Variants in SPATA13 observed in about 807,000 individuals in gnomAD.
SPATA13 encodes the protein spermatogenesis associated 13.
A neutral mutation model predicts 104.0 loss-of-function variants in SPATA13; 50 were observed. That is an observed-to-expected ratio of 0.48 (90% CI 0.38 to 0.61). The LOEUF is 0.61. Among genes scored for constraint, SPATA13 ranks in the 20% least tolerant of loss-of-function variants. The probability of loss-of-function intolerance (pLI) is 0.00; values close to 1 mark genes in which losing one functional copy is unlikely to be tolerated. For missense variants in SPATA13, 1,524 were observed against 1,690.6 expected (o/e 0.90, Z 1.73); for synonymous variants, 606 against 667.5 (o/e 0.91, Z 1.42).
upstream of SPATA13, among the ~76,000 whole-genome samples, chr13:24,155,735 A>G (rs1882240125): frequency 6.6e-6 from 1 of 152,236 alleles, no homozygotes; most frequent in African/African-American, 2.4e-5. Context: ...GCAATTCAGT[A>G]CATTAAGTAC....
intron 1 of SPATA13, among the ~76,000 whole-genome samples, chr13:24,213,355 C>T (rs1871124797): frequency 6.6e-6 from 1 of 152,198 alleles, no homozygotes; most frequent in African/African-American, 2.4e-5. Context: ...TAACCTCCAC[C>T]TCCTGGGTTC....
At chr13:24,017,830 C>T in intron 3 of SPATA13, 3 of 359,060 alleles carry the variant, frequency 8.4e-6, no homozygotes, top group Non-Finnish European at 1.2e-5. Context: ...CTGTAACATA[C>T]TGTTAAAATC....
upstream of SPATA13, among the ~76,000 whole-genome samples, chr13:24,160,078 G>A (rs1291197909): frequency 6.6e-6 from 1 of 152,162 alleles, no homozygotes; most frequent in African/African-American, 2.4e-5. Flanking sequence ...CTTGCCCCAG[G>A]CCCTGGGAAA....
intron 3 of SPATA13, among the ~76,000 whole-genome samples, chr13:24,043,964 C>T (rs1313004322): frequency 3.9e-5 from 6 of 152,152 alleles, no homozygotes; most frequent in Non-Finnish European, 7.3e-5. Flanking sequence ...TTTGATGGTG[C>T]TGCTTGGAGG....
intron 2 of SPATA13, among the ~76,000 whole-genome samples, chr13:24,231,365 T>C (rs1377373136): frequency 1.3e-5 from 2 of 152,234 alleles, no homozygotes; most frequent in Admixed American, 1.3e-4. Flanking sequence ...CGTGGTCTTT[T>C]GTGACTGGCT....
At chr13:24,033,628 G>A (rs1194823980) in intron 3 of SPATA13, 2 of 152,362 alleles carry the variant, frequency 1.3e-5, no homozygotes, top group African/African-American at 4.8e-5. Flanking sequence ...CCTGCAGTGG[G>A]GACCTGGTGT....
chr13:24,278,830 A>G (rs1165939029), intron 4 of SPATA13: 3 of 1,591,466 alleles, frequency 1.9e-6, no homozygotes, highest in African/African-American at 2.7e-5. Flanking sequence ...AGGCAAGTTC[A>G]TCTGACCCCA....
rs761562928 is a variant in SPATA13, at chr13:24,249,616, G to A, written c.1793G>A (p.Ser598Asn). 2 of 1,613,748 alleles carry A rather than the reference G, an allele frequency of 1.2e-6. No individual in the cohort carries two copies. The highest frequency in any genetic ancestry group is 2.7e-5 in the African/African-American group (2 of 74,942). ...TTCTCTGACTACGGCCAGCTGGCCA[G>A]CCGCAGTTTGTCTATTCCTGAAGAC... Reference protein sequence around the residue: ...RPFSDYGQLASRSLSIPEDSV... With the variant: ...RPFSDYGQLANRSLSIPEDSV... The change falls in exon 3 of 13, where the codon AGC becomes AAC. Residue 598 changes from serine to asparagine, a missense_variant. Ser to Asn is a conservative substitution (Grantham distance 46). Around this residue, in one of 2 missense-constraint regions of SPATA13, gnomAD observed 1,089 missense variants for 1,135.9 expected, o/e 0.96. Coordinates refer to ENST00000382108, the MANE Select transcript of SPATA13 (RefSeq NM_001166271.3).
chr13:24,039,027 A>G (rs1487747837), intron 3 of SPATA13, among the ~76,000 whole-genome samples: 4 of 152,184 alleles, frequency 2.6e-5, no homozygotes, highest in Non-Finnish European at 5.9e-5. Context: ...CATACCTTCT[A>G]TCAGAGACGA....
At chr13:24,284,294 T>A in intron 5 of SPATA13, 23 bp downstream of exon 5, 1 of 1,608,030 alleles carries the variant, frequency 6.2e-7, no homozygotes, top group Non-Finnish European at 8.5e-7. Context: ...CACACGACAG[T>A]AGTGGATACG....
intron 1 of SPATA13, among the ~76,000 whole-genome samples, chr13:24,173,362 T>TTG (rs60850610): frequency 0.017 from 2,459 of 146,782 alleles, 31 homozygotes; most frequent in African/African-American, 0.035. Context: ...TAGTTCTTAG[T>TTG]TGTGTGTGTG....
chr13:24,168,519 T>A lies in SPATA13; in HGVS notation c.-112+7587T>A, dbSNP rs531676309. ...GATTCACTATATTTTTTTCTGCTGC[T>A]GAATCACTAAGCAAAACTCTACCGC... On this transcript the variant is annotated intron_variant, in intron 1 of 12. Transcript: ENST00000382108. Among the ~76,000 whole-genome samples, 5 of 152,310 alleles carry A rather than the reference T, an allele frequency of 3.3e-5. No individual in the cohort carries two copies. In the South Asian group the frequency reaches 1.0e-3, roughly 32 times the overall value.
At position 24,223,991 on chromosome 13, in the gene SPATA13, C is replaced by T. The variant is rs367904867; in HGVS notation, c.1062C>T (p.His354=). The change falls in exon 2 of 13, where the codon CAC becomes CAT. Residue 354 remains histidine, a synonymous_variant. Coordinates refer to ENST00000382108, the MANE Select transcript of SPATA13 (RefSeq NM_001166271.3). ...PGEASLRLQA[H]SRLHDDYSRR... is the part of the protein sequence containing the mutation. ...AGGCCAGCCTGAGACTTCAGGCACA[C>T]AGCCGGCTGCATGACGACTACTCCC... The T allele has an allele frequency of 1.6e-5, 25 of 1,548,482 alleles. No individual in the cohort carries two copies. Among genetic ancestry groups the T allele is most frequent in the Non-Finnish European group, 2.2e-5 (25 of 1,145,214 alleles).
intron 3 of SPATA13, among the ~76,000 whole-genome samples, chr13:24,068,605 A>G (rs1469730116): frequency 6.6e-6 from 1 of 152,214 alleles, no homozygotes; most frequent in Admixed American, 6.5e-5. Flanking sequence ...ACAGTGTATA[A>G]GCATCCCTTT....
intron 4 of SPATA13, chr13:24,278,729 TG>T: frequency 6.3e-7 from 1 of 1,582,880 alleles, no homozygotes; most frequent in Non-Finnish European, 8.6e-7. Context: ...ATTCAACAGG[TG>T]AAAAAACAAA....
intron 3 of SPATA13, among the ~76,000 whole-genome samples, chr13:24,153,222 T>C (rs1159321122): frequency 6.6e-6 from 1 of 152,174 alleles, no homozygotes; most frequent in Non-Finnish European, 1.5e-5. Context: ...GTCTGTCTCA[T>C]GTATGTTTAG....
At chr13:24,103,630 G>A (rs1198872641) in intron 3 of SPATA13, among the ~76,000 whole-genome samples, 1 of 151,900 alleles carries the variant, frequency 6.6e-6, no homozygotes, top group Non-Finnish European at 1.5e-5. Flanking sequence ...TTGTATAACT[G>A]TCTATATATA....
intron 2 of SPATA13, among the ~76,000 whole-genome samples, chr13:23,993,456 G>A (rs1173123882): frequency 6.6e-6 from 1 of 152,182 alleles, no homozygotes; most frequent in African/African-American, 2.4e-5. Context: ...CACATTTACG[G>A]CAATAAGGCT....
At chr13:24,288,187 G>T (rs773364866) in intron 7 of SPATA13, among the ~76,000 whole-genome samples, 2 of 152,226 alleles carry the variant, frequency 1.3e-5, no homozygotes, top group South Asian at 4.1e-4. Flanking sequence ...AGCAGGTCCT[G>T]TTAGCCCCCA....
Sources: gnomAD v4.1 joint callset for allele counts (sites outside exome capture counted in the v4.1 genomes callset) on GRCh38, gnomAD v4.1.1 for gene constraint, gnomAD v4.1.1 regional missense constraint, MANE v1.5 for transcripts, NCBI Gene and HGNC (gene_info 2026-07-23, HGNC 2026-07-21) for gene names.